SNX31: variants seen among roughly 807,000 people sequenced by gnomAD.
The protein encoded by SNX31 is sorting nexin 31, also known as sorting nexin-31.
In SNX31, 58 loss-of-function variants were observed where a neutral mutation model predicts 65.4. That is an observed-to-expected ratio of 0.89 (90% CI 0.72 to 1.10). SNX31 has a LOEUF of 1.10. Among genes scored for constraint, SNX31 ranks in the 50% least tolerant of loss-of-function variants. The pLI is 0.00. For missense variants in SNX31, 523 were observed against 529.7 expected, an observed-to-expected ratio of 0.99 and a Z score of 0.12; for synonymous variants, 181 against 190.1, an observed-to-expected ratio of 0.95 and a Z score of 0.39.
chr8:100,574,913 A>G (rs1014523792), intron 13 of SNX31, among the ~76,000 whole-genome samples: 3 of 152,242 alleles, frequency 2.0e-5, no homozygotes, highest in Non-Finnish European at 2.9e-5. Context: ...CAGCCTGGGC[A>G]AGGGAGCGAG....
chr8:100,609,177 C>G lies in SNX31; in HGVS notation c.612-614G>C, dbSNP rs1433508422. On this transcript the variant is annotated intron_variant, in intron 7 of 13. Coordinates refer to ENST00000311812, the MANE Select transcript of SNX31 (RefSeq NM_152628.4). The surrounding 1 kb of genome is among the most constrained non-coding windows in gnomAD (Gnocchi z 4.9). The stretch of plus-strand genomic sequence containing the variant: ...CCAGTTCCATCTCTCACCAACCCCA[C>G]CACCAACGCTACATTCCAACCATGT... 1.3e-5 allele frequency among the ~76,000 whole-genome samples: 2 copies of G among 152,206 alleles called. No homozygotes were observed. Among genetic ancestry groups the G allele is most frequent in the African/African-American group, 4.8e-5 (2 of 41,436 alleles).
chr8:100,605,580 C>T (rs1816074208), intron 8 of SNX31, among the ~76,000 whole-genome samples: 1 of 152,124 alleles, frequency 6.6e-6, no homozygotes, highest in African/African-American at 2.4e-5. Context: ...CTCATCTCAA[C>T]AGGGAGATGT....
intron 7 of SNX31, 119 bp downstream of exon 7, chr8:100,611,881 C>G (rs1168466234): frequency 2.6e-6 from 2 of 760,274 alleles, no homozygotes; most frequent in Non-Finnish European, 4.5e-6. Flanking sequence ...AGAGCCTTCT[C>G]TAAGTTCTTG....
In SNX31 at chr8:100,630,480, C is replaced by T. The variant is rs1170229178; in HGVS notation, c.257-89G>A. 1.0e-5 allele frequency: 11 copies of T among 1,049,138 alleles called. No homozygotes were observed. Among genetic ancestry groups the T allele is most frequent in the African/African-American group, 1.6e-5 (1 of 61,350 alleles). 65.0% of individuals were successfully genotyped at this position (1,049,138 alleles called of 1,614,324 possible). ...TATGTCCTCCAGAGATCCCTCCATG[C>T]CTTGCCAGTGCTCTGTCTCCTCCCT... On this transcript the variant is annotated intron_variant, in intron 3 of 13. Coordinates refer to ENST00000311812, the MANE Select transcript of SNX31 (RefSeq NM_152628.4). This position sits in a 1 kb window ranked among gnomAD's most constrained non-coding sequence, Gnocchi z 5.3.
At chr8:100,618,395 TG>T in intron 4 of SNX31, 1 of 1,454,714 alleles carries the variant, frequency 6.9e-7, no homozygotes, top group Non-Finnish European at 9.3e-7. Flanking sequence ...ACACTAATTG[TG>T]GGTGGGGGCA....
intron 2 of SNX31, among the ~76,000 whole-genome samples, chr8:100,642,344 T>TTCGTAAATG (rs1441448631): frequency 6.8e-6 from 1 of 147,018 alleles, no homozygotes; most frequent in Non-Finnish European, 1.5e-5. Flanking sequence ...TTGGCATGTG[T>TTCGTAAATG]TCGTAAATGT....
intron 12 of SNX31, among the ~76,000 whole-genome samples, chr8:100,581,333 CTATCTA>C (rs1563510859): frequency 0.084 from 11,502 of 137,138 alleles, 600 homozygotes; most frequent in African/African-American, 0.1. Flanking sequence ...ATCTATCTAT[CTATCTA>C]TATATATATA....
At chr8:100,653,579 A>G (rs915541955), upstream of SNX31, among the ~76,000 whole-genome samples, 1 of 152,192 alleles carries the variant, frequency 6.6e-6, no homozygotes, top group Admixed American at 6.5e-5. Flanking sequence ...AGCTCAGGAG[A>G]ACAAGGAAGG....
In SNX31 at chr8:100,626,420, T is replaced by G. The variant is rs1435769051; in HGVS notation, c.321+3907A>C. On this transcript the variant is annotated intron_variant, in intron 4 of 13. Coordinates refer to ENST00000311812, the MANE Select transcript of SNX31 (RefSeq NM_152628.4). The surrounding 1 kb of genome is among the most constrained non-coding windows in gnomAD (Gnocchi z 4.4). ...CCTAGACCAGGTCGGGGGCTGCTGA[T>G]CTTAGTCAATCAAAATATTTAGAAG... Among the ~76,000 whole-genome samples the G allele has an allele frequency of 6.6e-6, 1 of 152,280 alleles. No homozygotes were observed. Among genetic ancestry groups the G allele is most frequent in the East Asian group, 1.9e-4 (1 of 5,188 alleles).
intron 8 of SNX31, among the ~76,000 whole-genome samples, chr8:100,601,324 C>T (rs1289752888): frequency 6.6e-6 from 1 of 152,108 alleles, no homozygotes; most frequent in Non-Finnish European, 1.5e-5. Context: ...GAATATTTAA[C>T]AACATGGGAA....
At chr8:100,602,353 T>C (rs1414869111) in intron 8 of SNX31, among the ~76,000 whole-genome samples, 1 of 152,150 alleles carries the variant, frequency 6.6e-6, no homozygotes, top group African/African-American at 2.4e-5. Flanking sequence ...AAAATAACAA[T>C]ATTTGTTGAA....
chr8:100,601,582 C>T (rs1192243153), intron 8 of SNX31, among the ~76,000 whole-genome samples: 2 of 152,130 alleles, frequency 1.3e-5, no homozygotes, highest in African/African-American at 2.4e-5. Context: ...CATTTTTGAA[C>T]TCTTCCACAT....
At position 100,576,920 on chromosome 8, in the gene SNX31, T is replaced by C. The variant is rs1813092218; in HGVS notation, c.1227+99A>G. 1 of 979,036 alleles carries C rather than the reference T, an allele frequency of 1.0e-6. No individual in the cohort carries two copies. The highest frequency in any genetic ancestry group is 1.6e-6 in the Non-Finnish European group (1 of 640,192). The allele number at this position is 979,036 out of a possible 1,614,324, so 60.6% of individuals were successfully genotyped here. ...GAGGAGCTTCTGAGAAACATAATTC[T>C]GACTTATTATTGAAAGTGAGATGAC... On this transcript the variant is annotated intron_variant, in intron 13 of 13. Transcript: ENST00000311812. The surrounding 1 kb of genome is among the most constrained non-coding windows in gnomAD (Gnocchi z 4.8).
chr8:100,646,205 A>G (rs1041622545), intron 2 of SNX31, among the ~76,000 whole-genome samples: 1 of 152,194 alleles, frequency 6.6e-6, no homozygotes, highest in Non-Finnish European at 1.5e-5. Flanking sequence ...ACAAAATAAA[A>G]GATCTCAAAG....
intron 4 of SNX31, among the ~76,000 whole-genome samples, chr8:100,623,342 A>G (rs945333385): frequency 5.3e-5 from 8 of 152,182 alleles, no homozygotes; most frequent in African/African-American, 1.9e-4. Context: ...CCCATGATCC[A>G]ATCACCTCCC....
In SNX31 at chr8:100,573,703, G is replaced by GCTGTGGTATAA. The variant is rs549668432; in HGVS notation, c.*151_*161dup. On this transcript the variant is annotated 3_prime_UTR_variant, in exon 14 of 14. Coordinates refer to ENST00000311812, the MANE Select transcript of SNX31 (RefSeq NM_152628.4). The stretch of plus-strand genomic sequence containing the variant: ...TCTAATCTTGAGATTTCCATAGAGT[G>GCTGTGGTATAA]CTGTGGTATAATACCTTGATGAATA... The GCTGTGGTATAA allele has an allele frequency of 3.1e-3, 1,266 of 405,750 alleles. 4 individuals carry two copies. The highest frequency in any genetic ancestry group is 4.0e-3 in the Non-Finnish European group (911 of 228,808). 25.1% of individuals were successfully genotyped at this position (405,750 alleles called of 1,614,324 possible).
At chr8:100,597,252 T>G (rs1327467602) in intron 9 of SNX31, among the ~76,000 whole-genome samples, 1 of 152,184 alleles carries the variant, frequency 6.6e-6, no homozygotes, top group African/African-American at 2.4e-5. Flanking sequence ...ATTGGCTTTT[T>G]TTTTTTTTAG....
At chr8:100,634,574 C>T (rs1345045287) in intron 3 of SNX31, among the ~76,000 whole-genome samples, 1 of 151,496 alleles carries the variant, frequency 6.6e-6, no homozygotes, top group South Asian at 2.1e-4. Flanking sequence ...TGGTGAAACC[C>T]CATCTCTACT....
At chr8:100,661,623 G>A (rs1020052812) in intron 1 of SNX31, among the ~76,000 whole-genome samples, 1 of 151,914 alleles carries the variant, frequency 6.6e-6, no homozygotes, top group Middle Eastern at 3.2e-3. Context: ...CGACCGCCTG[G>A]GCTCAAGTCA....
Sources: allele counts gnomAD v4.1 joint callset (sites outside exome capture counted in the v4.1 genomes callset), GRCh38; gene constraint gnomAD v4.1.1; non-coding constraint Gnocchi (gnomAD v3.1); transcripts MANE v1.5; gene names NCBI Gene and HGNC (gene_info 2026-07-23, HGNC 2026-07-21).